SULT1C4: variants seen among roughly 807,000 people sequenced by gnomAD.
The protein encoded by SULT1C4 is sulfotransferase 1C4.
In SULT1C4, 32 loss-of-function variants were observed where a neutral mutation model predicts 34.8. The observed-to-expected ratio is 0.92, with a 90% CI of 0.69 to 1.23. SULT1C4 has a LOEUF of 1.23. Ranked by LOEUF, SULT1C4 falls within the 50% of genes most tolerant of loss-of-function variation. SULT1C4 has a pLI of 0.00. For synonymous variants in SULT1C4, 111 were observed against 120.5 expected (o/e 0.92, Z 0.51); for missense variants, 375 against 365.9 (o/e 1.02, Z -0.20).
rs191793385 is a variant in SULT1C4, at chr2:108,384,932, T to G, written c.616-1260T>G. ...GGAGTTTTATAAAATTCCCAGGAGATTCAAGCACACATCACCATTTAGATG... is the reference window on the plus strand; with the variant it reads ...GGAGTTTTATAAAATTCCCAGGAGAGTCAAGCACACATCACCATTTAGATG... On this transcript the variant is annotated intron_variant, in intron 5 of 6. Coordinates refer to ENST00000272452, the MANE Select transcript of SULT1C4 (RefSeq NM_006588.4). Among the ~76,000 whole-genome samples, 454 of 152,288 alleles carry G rather than the reference T, an allele frequency of 3.0e-3. 1 individual carries two copies. Among genetic ancestry groups the G allele is most frequent in the Non-Finnish European group, 5.1e-3 (347 of 68,020 alleles).
rs369061948 is a variant in SULT1C4, at chr2:108,387,310, T to C, written c.797-10T>C. The C allele has an allele frequency of 1.2e-5, 20 of 1,602,348 alleles. No individual in the cohort carries two copies. The highest frequency in any genetic ancestry group is 1.7e-4 in the Middle Eastern group (1 of 6,048). Reference sequence around the variant, plus strand: ...AGCTACTGAACCTCTCCCACATAACTGTATTTCAGGGGCAGTGGGAGACTG... The same window carrying C: ...AGCTACTGAACCTCTCCCACATAACCGTATTTCAGGGGCAGTGGGAGACTG... On this transcript the variant is annotated splice_polypyrimidine_tract_variant and intron_variant, in intron 6 of 6. Transcript: ENST00000272452.
Position 108,386,252 on chromosome 2 carries a change from G to T in SULT1C4, c.676G>T (p.Val226Phe), listed in dbSNP as rs1395790941. Reference protein sequence around the residue: ...EFIGKKLDDKVLDKIVHYTSF... With the variant: ...EFIGKKLDDKFLDKIVHYTSF... ...TATTGGGAAGAAATTAGATGACAAA[G>T]TTCTAGATAAAATTGTCCATTACAC... Residue 226 changes from valine to phenylalanine, a missense_variant, in exon 6 of 7, where the codon GTT becomes TTT. Physicochemically the swap from Val to Phe is conservative, Grantham distance 50. Coordinates refer to ENST00000272452, the MANE Select transcript of SULT1C4 (RefSeq NM_006588.4). 1.3e-6 allele frequency: 2 copies of T among 1,570,820 alleles called. No individual in the cohort carries two copies. The highest frequency in any genetic ancestry group is 1.7e-6 in the Non-Finnish European group (2 of 1,157,808).
intron 3 of SULT1C4, chr2:108,382,767 G>T (rs1437247597): frequency 2.5e-6 from 1 of 400,328 alleles, no homozygotes; most frequent in East Asian, 5.0e-5. Flanking sequence ...ACAGGACGTG[G>T]TGACACATGC....
At chr2:108,378,530 A>G in intron 1 of SULT1C4, 24 bp downstream of exon 1, 2 of 1,609,926 alleles carry the variant, frequency 1.2e-6, no homozygotes, top group South Asian at 2.2e-5. Context: ...CTTGCAGGGG[A>G]AGGGGAAGAG....
Position 108,382,492 on chromosome 2 carries a change from C to A in SULT1C4, c.393+10C>A. 1.2e-6 allele frequency: 2 copies of A among 1,610,880 alleles called. No homozygotes were observed. Among genetic ancestry groups the A allele is most frequent in the Non-Finnish European group, 1.7e-6 (2 of 1,177,126 alleles). ...AGAGAAAAACTGTAAGGTAAAAAAG[C>A]AAAAGGAATTCAGAGTTGTACTCCT... On this transcript the variant is annotated intron_variant, in intron 3 of 6. Coordinates refer to ENST00000272452, the MANE Select transcript of SULT1C4 (RefSeq NM_006588.4).
rs949206353 is a variant in SULT1C4, at chr2:108,388,524, T to G, written c.*1092T>G. ...CTAGTGTAATAGCTTCCTAACCCAT[T>G]TCTCTCTATTTCAGACAGATGGCAA... On this transcript the variant is annotated 3_prime_UTR_variant, in exon 7 of 7. Coordinates refer to ENST00000272452, the MANE Select transcript of SULT1C4 (RefSeq NM_006588.4). 3.9e-5 allele frequency among the ~76,000 whole-genome samples: 6 copies of G among 152,186 alleles called. No homozygotes were observed. Among genetic ancestry groups the G allele is most frequent in the African/African-American group, 7.2e-5 (3 of 41,446 alleles).
intron 5 of SULT1C4, among the ~76,000 whole-genome samples, chr2:108,384,750 C>T (rs574797024): frequency 1.3e-5 from 2 of 152,262 alleles, no homozygotes; most frequent in East Asian, 1.9e-4. Flanking sequence ...AAATAATCAT[C>T]TACTCAGCTA....
At position 108,382,343 on chromosome 2, in the gene SULT1C4, A is replaced by G. The variant is rs758074758; in HGVS notation, c.296-42A>G. 14 of 1,340,324 alleles carry G rather than the reference A, an allele frequency of 1.0e-5. No individual in the cohort carries two copies. The African/African-American group carries it at 1.3e-4, about 13-fold the overall frequency. The allele number at this position is 1,340,324 out of a possible 1,614,324, so 83.0% of individuals were successfully genotyped here. A position where few individuals can be genotyped will look rare whatever the true frequency, so the allele number is the denominator to read the frequency against. The stretch of plus-strand genomic sequence containing the variant: ...CAGCAAGACTTGGAAGCAAATAGAT[A>G]AAAAAAAAATCGTAGAAATTGATCG... On this transcript the variant is annotated intron_variant, in intron 2 of 6. Transcript: ENST00000272452.
In SULT1C4 at chr2:108,382,440, C is replaced by T. The variant is rs1187580206; in HGVS notation, c.351C>T (p.Pro117=). Residue 117 remains proline (P), a synonymous_variant, in exon 3 of 7, where the codon CCC becomes CCT. Coordinates refer to ENST00000272452, the MANE Select transcript of SULT1C4 (RefSeq NM_006588.4). ...PSPRILKTHL[P]FHLLPPSLLE... ...CACGGATCCTGAAAACACATCTTCC[C>T]TTTCACTTGCTGCCACCATCCTTGC... 3 of 1,613,996 alleles carry T rather than the reference C, an allele frequency of 1.9e-6. No homozygotes were observed. Among genetic ancestry groups the T allele is most frequent in the African/African-American group, 1.3e-5 (1 of 74,904 alleles).
intron 1 of SULT1C4, among the ~76,000 whole-genome samples, chr2:108,379,236 C>A (rs915515409): frequency 6.6e-6 from 1 of 152,190 alleles, no homozygotes; most frequent in Non-Finnish European, 1.5e-5. Context: ...TTGTTATACA[C>A]ACACAAACAC....
chr2:108,384,253 G>T (rs1678511054), intron 5 of SULT1C4, among the ~76,000 whole-genome samples: 1 of 149,846 alleles, frequency 6.7e-6, no homozygotes, highest in South Asian at 2.1e-4. Flanking sequence ...TTTTTGAGAC[G>T]GAGTCTCACT....
intron 3 of SULT1C4, 169 bp from the exon 4 acceptor site, chr2:108,382,924 A>ATT: frequency 4.5e-6 from 2 of 448,918 alleles, no homozygotes; most frequent in Non-Finnish European, 6.9e-6. Context: ...AAAAAAAAAA[A>ATT]AAAAAAAGTC....
chr2:108,387,321 G>C lies in SULT1C4; in HGVS notation c.798G>C (p.Gly266=). ...DHSISPFMRK[G]AVGDWKKHFT... is the part of the protein sequence containing the mutation. Reference sequence around the variant, plus strand: ...CTCTCCCACATAACTGTATTTCAGGGGCAGTGGGAGACTGGAAGAAACACT... The same window carrying C: ...CTCTCCCACATAACTGTATTTCAGGCGCAGTGGGAGACTGGAAGAAACACT... Residue 266 remains glycine, a splice_region_variant and synonymous_variant, in exon 7 of 7, where the codon GGG becomes GGC. Transcript: ENST00000272452. The C allele has an allele frequency of 6.2e-7, 1 of 1,610,668 alleles. No homozygotes were observed. Among genetic ancestry groups the C allele is most frequent in the Non-Finnish European group, 8.5e-7 (1 of 1,177,832 alleles).
rs777541971 is a variant in SULT1C4, at chr2:108,382,446, C to T, written c.357C>T (p.His119=). The stretch of plus-strand genomic sequence containing the variant: ...TCCTGAAAACACATCTTCCCTTTCA[C>T]TTGCTGCCACCATCCTTGCTAGAGA... ...PRILKTHLPF[H]LLPPSLLEKN... Residue 119 remains histidine, a synonymous_variant, in exon 3 of 7, where the codon CAC becomes CAT. Coordinates refer to ENST00000272452, the MANE Select transcript of SULT1C4 (RefSeq NM_006588.4). 6.2e-7 allele frequency: 1 copy of T among 1,614,146 alleles called. No individual in the cohort carries two copies. The highest frequency in any genetic ancestry group is 2.2e-5 in the East Asian group (1 of 44,888).
rs552283090 is a variant in SULT1C4 at position 108,378,988 on chromosome 2, T to C, written c.169+482T>C. Among the ~76,000 whole-genome samples, 6 of 152,274 alleles carry C rather than the reference T, an allele frequency of 3.9e-5. No homozygotes were observed. In the South Asian group the frequency reaches 1.2e-3, roughly 32 times the overall value. ...CCATCCTTCTGATTTCCACCTTCCT[T>C]TGTGGTAAGTTTTGAACCAACTGCC... On this transcript the variant is annotated intron_variant, in intron 1 of 6. Transcript: ENST00000272452.
rs1678428986 is a variant in SULT1C4 at position 108,382,389 on chromosome 2, G to C, written c.300G>C (p.Leu100Phe). 10 of 1,612,852 alleles carry C rather than the reference G, an allele frequency of 6.2e-6. No homozygotes were observed. The Admixed American group carries it at 1.5e-4, about 24-fold the overall frequency. The change falls in exon 3 of 7, where the codon TTG (leucine) becomes TTC (phenylalanine). Residue 100 changes from leucine to phenylalanine, a missense_variant. Transcript: ENST00000272452. ...EMKIPSLGSG[L>F]EQAHAMPSPR... ...GATCGAAAACCAGTTTTGCAGGTTT[G>C]GAACAAGCTCATGCAATGCCCTCAC...
chr2:108,386,495 A>T, intron 6 of SULT1C4, 123 bp downstream of exon 6: 2 of 772,210 alleles, frequency 2.6e-6, no homozygotes, highest in South Asian at 1.2e-4. Flanking sequence ...TGGGGAAAAG[A>T]AGTATTTAAG....
chr2:108,383,862 T>G (rs1678496737), intron 5 of SULT1C4, among the ~76,000 whole-genome samples: 1 of 134,924 alleles, frequency 7.4e-6, no homozygotes, highest in African/African-American at 3.5e-5. Flanking sequence ...GGGTTTTTTT[T>G]GTTTTTGTTT....
intron 3 of SULT1C4, chr2:108,382,734 T>C: frequency 2.4e-6 from 1 of 423,542 alleles, no homozygotes; most frequent in African/African-American, 2.0e-5. Context: ...CGAAACCCCA[T>C]CTCTACCAAA....
Sources: gnomAD v4.1 joint callset for allele counts (sites outside exome capture counted in the v4.1 genomes callset) on GRCh38, gnomAD v4.1.1 for gene constraint, MANE v1.5 for transcripts, NCBI Gene and HGNC (gene_info 2026-07-23, HGNC 2026-07-21) for gene names.